ITGA2: variants seen among roughly 807,000 people sequenced by gnomAD.
ITGA2 encodes the protein integrin alpha-2.
In ITGA2, 101 loss-of-function variants were observed where a neutral mutation model predicts 146.3. That is an observed-to-expected ratio of 0.69 (90% CI 0.59 to 0.81). ITGA2 has a LOEUF of 0.81. ITGA2 is among the 40% of genes least tolerant of loss of function. ITGA2 has a pLI of 0.00. For missense variants in ITGA2, 1,281 were observed against 1,402.7 expected, an observed-to-expected ratio of 0.91 and a Z score of 1.39; for synonymous variants, 477 against 487.1, an observed-to-expected ratio of 0.98 and a Z score of 0.27.
intron 12 of ITGA2, 67 bp downstream of exon 12, chr5:53,061,113 A>T (rs1414901997): frequency 1.3e-6 from 2 of 1,519,164 alleles, no homozygotes; most frequent in African/African-American, 2.7e-5. Context: ...GAGTCAGGTG[A>T]ACAGAAATGG....
intron 1 of ITGA2, among the ~76,000 whole-genome samples, chr5:53,012,004 T>A (rs923121542): frequency 6.6e-6 from 1 of 152,154 alleles, no homozygotes; most frequent in Non-Finnish European, 1.5e-5. Flanking sequence ...AAAGAAATTG[T>A]CATGGTTATA....
chr5:52,996,310 T>C (rs1394427207), intron 1 of ITGA2, among the ~76,000 whole-genome samples: 1 of 152,204 alleles, frequency 6.6e-6, no homozygotes, highest in East Asian at 1.9e-4. Context: ...AGAGATTCAT[T>C]GCACAAGAGA....
Position 53,058,069 on chromosome 5 carries a change from G to T in ITGA2, c.1141G>T (p.Val381Leu). ...GDNFQMEMSQ[V>L]GFSADYSSQN... The stretch of plus-strand genomic sequence containing the variant: ...CAACTTTCAGATGGAAATGTCACAA[G>T]TGGGATTCAGTGCAGATTACTCTTC... Residue 381 changes from valine (V) to leucine (L), a missense_variant, in exon 10 of 30, where the codon GTG becomes TTG. Physicochemically the swap from Val to Leu is conservative, Grantham distance 32. Transcript: ENST00000296585. 6.2e-7 allele frequency: 1 copy of T among 1,611,702 alleles called. No homozygotes were observed. The highest frequency in any genetic ancestry group is 1.7e-5 in the Admixed American group (1 of 59,840).
chr5:53,022,248 G>A (rs1196584655), intron 1 of ITGA2, among the ~76,000 whole-genome samples: 1 of 151,218 alleles, frequency 6.6e-6, no homozygotes, highest in African/African-American at 2.4e-5. Flanking sequence ...TTGTTGCCCA[G>A]GCTGAAGTAC....
rs1742622472 is a variant in ITGA2 at position 53,020,470 on chromosome 5, A to C, written c.65-6278A>C. Among the ~76,000 whole-genome samples the C allele has an allele frequency of 2.0e-5, 3 of 152,124 alleles. No homozygotes were observed. The South Asian group carries it at 6.2e-4, about 31-fold the overall frequency. On this transcript the variant is annotated intron_variant, in intron 1 of 29. Coordinates refer to ENST00000296585, the MANE Select transcript of ITGA2 (RefSeq NM_002203.4). Reference sequence around the variant, plus strand: ...TTCTTAGGACATGCCTAGCAAATGAAAGTAAGAGTCAAATGCAACCCAATG... The same window carrying C: ...TTCTTAGGACATGCCTAGCAAATGACAGTAAGAGTCAAATGCAACCCAATG...
chr5:53,065,005 A>G lies in ITGA2; in HGVS notation c.1696A>G (p.Met566Val), dbSNP rs1323920098. 22 of 1,612,956 alleles carry G rather than the reference A, an allele frequency of 1.4e-5. No homozygotes were observed. Among genetic ancestry groups the G allele is most frequent in the Non-Finnish European group, 1.8e-5 (21 of 1,179,240 alleles). The change falls in exon 14 of 30, where the codon ATG becomes GTG. Residue 566 changes from methionine (M) to valine (V), a missense_variant. Transcript: ENST00000296585. ...SAIAALSDIN[M>V]DGFNDVIVGS... ...AATTGCAGCTCTTTCAGACATCAAC[A>G]TGGATGGCTTTAATGATGTGATTGT...
At position 53,074,483 on chromosome 5, in the gene ITGA2, A is replaced by C; in HGVS notation, c.2664+6A>C. The C allele has an allele frequency of 6.2e-7, 1 of 1,608,292 alleles. No individual in the cohort carries two copies. Among genetic ancestry groups the C allele is most frequent in the Non-Finnish European group, 8.5e-7 (1 of 1,175,346 alleles). On this transcript the variant is annotated splice_donor_region_variant and intron_variant, in intron 21 of 29. Coordinates refer to ENST00000296585, the MANE Select transcript of ITGA2 (RefSeq NM_002203.4). ...CTTTAAAGAGAGAACAACAGGTACA[A>C]CTTGCATTTCATCCTCCAATCCATA...
At chr5:53,013,223 C>T (rs1742229946) in intron 1 of ITGA2, among the ~76,000 whole-genome samples, 1 of 151,930 alleles carries the variant, frequency 6.6e-6, no homozygotes, top group Non-Finnish European at 1.5e-5. Flanking sequence ...AGGTTTTATA[C>T]TTTCAGGTTT....
At chr5:53,073,909 C>T (rs1442812747) in intron 20 of ITGA2, among the ~76,000 whole-genome samples, 2 of 136,660 alleles carry the variant, frequency 1.5e-5, no homozygotes, top group African/African-American at 5.5e-5. Flanking sequence ...GTGGCAACTA[C>T]TTCCTTTAAA....
chr5:53,055,393 C>T, intron 7 of ITGA2, 145 bp from the exon 8 acceptor site: 1 of 721,218 alleles, frequency 1.4e-6, no homozygotes, highest in Non-Finnish European at 2.3e-6. Context: ...ACAAATGGAA[C>T]ATTAAATATG....
In ITGA2 at chr5:53,075,095, A is replaced by G. The variant is rs748048298; in HGVS notation, c.2699A>G (p.Gln900Arg). ...ACTATTAACTTTGACTTCAATCTTC[A>G]AAACCTTCAGAATCAGGCGTCTCTC... ...TFTINFDFNL[Q>R]NLQNQASLSF... Residue 900 changes from glutamine to arginine, a missense_variant, in exon 22 of 30, where the codon CAA (glutamine) becomes CGA (arginine). Coordinates refer to ENST00000296585, the MANE Select transcript of ITGA2 (RefSeq NM_002203.4). 1 of 1,612,034 alleles carries G rather than the reference A, an allele frequency of 6.2e-7. No individual in the cohort carries two copies. The highest frequency in any genetic ancestry group is 2.2e-5 in the East Asian group (1 of 44,766).
chr5:53,003,875 A>G (rs1741701278), intron 1 of ITGA2, among the ~76,000 whole-genome samples: 1 of 152,028 alleles, frequency 6.6e-6, no homozygotes, highest in Admixed American at 6.6e-5. Flanking sequence ...TGAACTCCTC[A>G]GCTCAAGCGA....
Position 53,045,805 on chromosome 5 carries a change from C to CA in ITGA2, c.387+722dup, listed in dbSNP as rs1028226874. Among the ~76,000 whole-genome samples, 2 of 150,156 alleles carry CA rather than the reference C, an allele frequency of 1.3e-5. 1 individual carries two copies. Among genetic ancestry groups the CA allele is most frequent in the Admixed American group, 1.3e-4 (2 of 15,078 alleles). On this transcript the variant is annotated intron_variant, in intron 4 of 29. Transcript: ENST00000296585. ...AAAAAAAGGGAAAAACATCACACAC[C>CA]AAAAAAAAAGTTTGAAGACAAAAAC...
At chr5:53,051,754 A>G (rs915190192) in intron 7 of ITGA2, among the ~76,000 whole-genome samples, 195 bp downstream of exon 7, 2 of 152,180 alleles carry the variant, frequency 1.3e-5, no homozygotes, top group South Asian at 2.1e-4. Context: ...GGAAAGTTAA[A>G]TCTTTGATTT....
chr5:53,067,359 T>TATAACTAAAACCC, intron 16 of ITGA2, 102 bp downstream of exon 16: 1 of 1,285,208 alleles, frequency 7.8e-7, no homozygotes, highest in Non-Finnish European at 1.1e-6. Context: ...AAATAAGGGT[T>TATAACTAAAACCC]TTAGTTATAG....
In ITGA2 at chr5:53,090,772, TGG is replaced by T; in HGVS notation, c.*177_*178del. The T allele has an allele frequency of 1.0e-5, 1 of 96,342 alleles. No homozygotes were observed. The highest frequency in any genetic ancestry group is 1.9e-5 in the Non-Finnish European group (1 of 51,760). 6.0% of individuals were successfully genotyped at this position (96,342 alleles called of 1,614,324 possible). ...TTTGGAATGAAGAAATTGTGGGGGGTGGGGGAGGTGCGGGGGGCAGGTAGGGA... is the reference window on the plus strand; with the variant it reads ...TTTGGAATGAAGAAATTGTGGGGGGTGGGAGGTGCGGGGGGCAGGTAGGGA... On this transcript the variant is annotated 3_prime_UTR_variant, in exon 30 of 30. Transcript: ENST00000296585.
chr5:52,989,545 T>A lies in ITGA2; in HGVS notation c.64+13T>A. 6.2e-7 allele frequency: 1 copy of A among 1,613,452 alleles called. No individual in the cohort carries two copies. The stretch of plus-strand genomic sequence containing the variant: ...GCGCTCAGTCAAGGTAAGCGGGGAT[T>A]TCGCTCTGCATCGGCTGCAGGAGGG... On this transcript the variant is annotated intron_variant, in intron 1 of 29. Transcript: ENST00000296585.
In ITGA2 at chr5:53,089,995, G is replaced by C; in HGVS notation, c.3398G>C (p.Gly1133Ala). 1.2e-6 allele frequency: 2 copies of C among 1,613,614 alleles called. No homozygotes were observed. Among genetic ancestry groups the C allele is most frequent in the Non-Finnish European group, 1.7e-6 (2 of 1,179,602 alleles). The change falls in exon 29 of 30, where the codon GGA becomes GCA. Residue 1133 changes from glycine (G) to alanine (A), a missense_variant. Coordinates refer to ENST00000296585, the MANE Select transcript of ITGA2 (RefSeq NM_002203.4). ...GATGAGAAAGCCGAAGTACCAACAG[G>C]AGTTATAATAGGAAGTATAATTGCT... ...KPDEKAEVPT[G>A]VIIGSIIAGI...
At chr5:53,075,945 C>T (rs892951623) in intron 23 of ITGA2, among the ~76,000 whole-genome samples, 1 of 152,036 alleles carries the variant, frequency 6.6e-6, no homozygotes, top group Non-Finnish European at 1.5e-5. Flanking sequence ...CCAAAGCAAG[C>T]AAACCTGAGA....
Sources: gnomAD v4.1 joint callset for allele counts (sites outside exome capture counted in the v4.1 genomes callset) on GRCh38, gnomAD v4.1.1 for gene constraint, MANE v1.5 for transcripts, NCBI Gene and HGNC (gene_info 2026-07-23, HGNC 2026-07-21) for gene names.